Variants in CIMIP5 observed in about 807,000 individuals in gnomAD.
The protein encoded by CIMIP5 is uncharacterized protein C2orf50.
At chr2:11,135,379 T>G in the CIMIP5 span, among the ~76,000 whole-genome samples, 2 of 152,200 alleles carry the variant, frequency 1.3e-5, no homozygotes, top group Admixed American at 1.3e-4. Context: ...TGTCTTTTGT[T>G]TTTTGATAAC....
the CIMIP5 span, among the ~76,000 whole-genome samples, chr2:11,153,850 G>A: frequency 1.3e-5 from 2 of 151,364 alleles, no homozygotes; most frequent in South Asian, 2.1e-4. Context: ...CTTGAACCCC[G>A]GAGGTGGAGG....
At chr2:11,141,647 T>G in the CIMIP5 span, among the ~76,000 whole-genome samples, 1 of 152,130 alleles carries the variant, frequency 6.6e-6, no homozygotes, top group Admixed American at 6.6e-5. Flanking sequence ...CCATGTAATG[T>G]AATACTGCAA....
chr2:11,146,820 T>A, the CIMIP5 span: 1 of 152,244 alleles, frequency 6.6e-6, no homozygotes, highest in Non-Finnish European at 1.5e-5. Context: ...CCCATGAAGG[T>A]CAAGTGCTCG....
At chr2:11,143,990 C>G in the CIMIP5 span, 1 of 1,607,268 alleles carries the variant, frequency 6.2e-7, no homozygotes, top group Non-Finnish European at 8.5e-7. Flanking sequence ...CCCAGTTCCA[C>G]GAACCAGGTT....
At chr2:11,142,316 A>G in the CIMIP5 span, among the ~76,000 whole-genome samples, 3 of 150,248 alleles carry the variant, frequency 2.0e-5, no homozygotes, top group African/African-American at 7.3e-5. Context: ...CTGGAAGATG[A>G]GCAATATGGA....
chr2:11,146,430 A>AT, the CIMIP5 span: 2 of 152,274 alleles, frequency 1.3e-5, no homozygotes, highest in African/African-American at 4.8e-5. Context: ...AAATTACAGG[A>AT]TTTTTCTGCT....
At chr2:11,149,558 T>C in the CIMIP5 span, among the ~76,000 whole-genome samples, 3 of 151,898 alleles carry the variant, frequency 2.0e-5, no homozygotes, top group African/African-American at 7.3e-5. Flanking sequence ...ATACAAAAAA[T>C]TAGCCAGGTG....
Sources: allele counts gnomAD v4.1 joint callset (sites outside exome capture counted in the v4.1 genomes callset), GRCh38; gene constraint gnomAD v4.1.1; transcripts MANE v1.5; gene names NCBI Gene and HGNC (gene_info 2026-07-23, HGNC 2026-07-21).